The following MOBP variants were observed in gnomAD, a reference collection of about 807,000 sequenced individuals.
MOBP encodes the protein myelin-associated oligodendrocyte basic protein.
Under a neutral mutation model 15.0 loss-of-function variants are expected in MOBP, and 5 were observed. The observed-to-expected ratio is 0.33, with a 90% CI of 0.17 to 0.70. MOBP has a LOEUF of 0.70. Ranked by LOEUF, MOBP falls within the 30% of genes least tolerant of loss-of-function variation. The pLI, the probability that MOBP is intolerant of heterozygous loss-of-function variation, is 0.67. For missense variants in MOBP, 188 were observed against 257.8 expected, an observed-to-expected ratio of 0.73 and a Z score of 1.85; for synonymous variants, 88 against 99.0, an observed-to-expected ratio of 0.89 and a Z score of 0.66.
intron 1 of MOBP, among the ~76,000 whole-genome samples, chr3:39,470,238 C>T (rs1420597351): frequency 6.6e-6 from 1 of 152,176 alleles, no homozygotes; most frequent in Non-Finnish European, 1.5e-5. Context: ...GTACTCACAC[C>T]TCAGCACTGA....
Position 39,491,045 on chromosome 3 carries a change from A to G in MOBP, c.-5+10922A>G, listed in dbSNP as rs1049856158. 3.3e-5 allele frequency among the ~76,000 whole-genome samples: 5 copies of G among 152,298 alleles called. No individual in the cohort carries two copies. In the East Asian group the frequency reaches 5.8e-4, roughly 18 times the overall value. On this transcript the variant is annotated intron_variant, in intron 2 of 3. Transcript: ENST00000684792. ...ATTTATGGGGGAAATTCTGTGTCCT[A>G]TGGAGTACATTCTTAGGTCACTGAA... is the stretch of plus-strand genomic sequence containing the variant.
At chr3:39,473,705 G>T (rs73826436) in intron 1 of MOBP, among the ~76,000 whole-genome samples, 2,837 of 152,304 alleles carry the variant, frequency 0.019, 67 homozygotes, top group African/African-American at 0.063. Context: ...GGGAGGGGCA[G>T]CGTCTCCAGG....
Position 39,523,716 on chromosome 3 carries a change from G to A in MOBP, c.*259-527G>A, listed in dbSNP as rs79306164. Among the ~76,000 whole-genome samples, 1,164 of 152,222 alleles carry A rather than the reference G, an allele frequency of 7.6e-3. 8 individuals are homozygous for A. The highest frequency in any genetic ancestry group is 0.039 in the East Asian group (202 of 5,186). ...ATTTAGTAAATTAATACACCTTCCAGTTGTTGGCATTTTGAGAGTATTGGC... is the reference window on the plus strand; with the variant it reads ...ATTTAGTAAATTAATACACCTTCCAATTGTTGGCATTTTGAGAGTATTGGC... On this transcript the variant is annotated intron_variant and NMD_transcript_variant, in intron 3 of 4. Transcript: ENST00000424090.
At chr3:39,487,518 C>CTTTTTTTTTTTTTTTTTT (rs1216386382) in intron 2 of MOBP, among the ~76,000 whole-genome samples, 1 of 102,498 alleles carries the variant, frequency 9.8e-6, no homozygotes, top group Non-Finnish European at 2.0e-5. Context: ...AATTTTCTTT[C>CTTTTTTTTTTTTTTTTTT]TTTTTTTTTT....
chr3:39,506,376 A>G (rs1235857575), downstream of MOBP, among the ~76,000 whole-genome samples: 1 of 152,132 alleles, frequency 6.6e-6, no homozygotes, highest in Non-Finnish European at 1.5e-5. Context: ...AGATTCCTCC[A>G]GAAGTAACAA....
intron 2 of MOBP, among the ~76,000 whole-genome samples, chr3:39,487,678 C>G (rs2125638998): frequency 6.6e-6 from 1 of 151,950 alleles, no homozygotes; most frequent in East Asian, 1.9e-4. Context: ...TGCCAGCCAC[C>G]ACGCCTGGCT....
intron 1 of MOBP, among the ~76,000 whole-genome samples, chr3:39,474,852 C>T (rs978220067): frequency 5.9e-5 from 9 of 152,328 alleles, no homozygotes; most frequent in Admixed American, 1.3e-4. Context: ...ATATTACCCA[C>T]GTTGCAAATA....
At chr3:39,504,443 G>T (rs666534), downstream of MOBP, among the ~76,000 whole-genome samples, 141,260 of 152,240 alleles carry the variant, frequency 0.93, 65,986 homozygotes, top group Middle Eastern at 0.98. Context: ...GACCTAACCT[G>T]GATCAGTGTA....
intron 1 of MOBP, among the ~76,000 whole-genome samples, chr3:39,471,146 T>G (rs1401415658): frequency 2.5e-5 from 3 of 118,222 alleles, no homozygotes; most frequent in Admixed American, 8.8e-5. Context: ...TTTTTTTTTT[T>G]GCGATGGAGT....
At position 39,502,303 on chromosome 3, in the gene MOBP, C is replaced by T. The variant is rs2292504; in HGVS notation, c.206+28C>T. The T allele has an allele frequency of 2.9e-3, 4,634 of 1,612,856 alleles. 53 individuals are homozygous for T. The East Asian group carries it at 0.03, about 10-fold the overall frequency. ...AAGCGGCCGCCCAGCCCCGCGGCAC[C>T]AGTTGGGCACAGCGCGTGGTCTCGG... On this transcript the variant is annotated intron_variant, in intron 3 of 3. Transcript: ENST00000684792. The surrounding 1 kb of genome is among the most constrained non-coding windows in gnomAD (Gnocchi z 6.3).
At position 39,495,186 on chromosome 3, in the gene MOBP, T is replaced by G. The variant is rs150137466; in HGVS notation, c.-4-6880T>G. Among the ~76,000 whole-genome samples the G allele has an allele frequency of 1.5e-4, 23 of 152,292 alleles. No homozygotes were observed. The East Asian group carries it at 3.9e-3, about 26-fold the overall frequency. On this transcript the variant is annotated intron_variant, in intron 2 of 3. Transcript: ENST00000684792. ...CGTAGAACAAGGTCATAAAGCAAAT[T>G]TGAACAACTGTTGGAGTCACTGTCA...
intron 2 of MOBP, among the ~76,000 whole-genome samples, chr3:39,484,189 G>A (rs1343274548): frequency 6.6e-6 from 1 of 152,222 alleles, no homozygotes; most frequent in Non-Finnish European, 1.5e-5. Flanking sequence ...GGGTTGTTAA[G>A]GATGAATAGG....
rs1553616116 is a variant in MOBP at position 39,468,795 on chromosome 3, T to TGTGTATAC, written c.-89+1055_-89+1056insGTGTATAC. Among the ~76,000 whole-genome samples, 13 of 104,512 alleles carry TGTGTATAC rather than the reference T, an allele frequency of 1.2e-4. 2 individuals carry two copies. The highest frequency in any genetic ancestry group is 6.1e-4 in the African/African-American group (11 of 18,106). 68.6% of individuals were successfully genotyped at this position (104,512 alleles called of 152,430 possible). A position where few individuals can be genotyped will look rare whatever the true frequency, so the allele number is the denominator to read the frequency against. On this transcript the variant is annotated intron_variant, in intron 1 of 3. Transcript: ENST00000684792. Reference sequence around the variant, plus strand: ...ATATATACATATATACATGTGTGTGTATATATACATATGTGTGTGTATACA... The same window carrying TGTGTATAC: ...ATATATACATATATACATGTGTGTGTGTGTATACATATATACATATGTGTGTGTATACA...
At chr3:39,504,939 A>C (rs1012592527), downstream of MOBP, among the ~76,000 whole-genome samples, 1 of 152,260 alleles carries the variant, frequency 6.6e-6, no homozygotes, top group East Asian at 1.9e-4. Context: ...GCAAAGGCCT[A>C]ATTGGATTCT....
chr3:39,489,593 G>A (rs2125641235), intron 2 of MOBP, among the ~76,000 whole-genome samples: 1 of 152,204 alleles, frequency 6.6e-6, no homozygotes. Flanking sequence ...TACTGTTCAG[G>A]GGGTCCTTGT....
At chr3:39,488,350 ATTCTT>A (rs2042746407) in intron 2 of MOBP, among the ~76,000 whole-genome samples, 1 of 152,104 alleles carries the variant, frequency 6.6e-6, no homozygotes, top group Non-Finnish European at 1.5e-5. Context: ...TGAACTCTTG[ATTCTT>A]TTCTTCCCCA....
intron 2 of MOBP, among the ~76,000 whole-genome samples, chr3:39,495,002 A>G (rs2042856534): frequency 6.6e-6 from 1 of 152,016 alleles, no homozygotes; most frequent in Admixed American, 6.6e-5. Flanking sequence ...TTTTTGCTCC[A>G]CCACCTCACA....
At chr3:39,500,990 G>A (rs970177470) in intron 2 of MOBP, among the ~76,000 whole-genome samples, 5 of 152,170 alleles carry the variant, frequency 3.3e-5, no homozygotes, top group Non-Finnish European at 7.3e-5. Flanking sequence ...CAAAAACAAC[G>A]TATTTGTAAC....
intron 2 of MOBP, among the ~76,000 whole-genome samples, chr3:39,482,603 G>T (rs1181882316): frequency 7.1e-6 from 1 of 140,566 alleles, no homozygotes; most frequent in African/African-American, 2.7e-5. Flanking sequence ...AGTGAGCAGA[G>T]ATCGCGCCAC....
Sources: gnomAD v4.1 joint callset for allele counts (sites outside exome capture counted in the v4.1 genomes callset) on GRCh38, gnomAD v4.1.1 for gene constraint, Gnocchi (gnomAD v3.1) non-coding constraint, MANE v1.5 for transcripts, NCBI Gene and HGNC (gene_info 2026-07-23, HGNC 2026-07-21) for gene names.